ACSL5: variants seen among roughly 807,000 people sequenced by gnomAD.
ACSL5 encodes acyl-CoA synthetase long chain family member 5.
In ACSL5, 50 loss-of-function variants were observed where a neutral mutation model predicts 84.9. The observed-to-expected ratio is 0.59, with a 90% confidence interval of 0.47 to 0.75. The LOEUF (loss-of-function observed/expected upper bound fraction) is 0.75. ACSL5 is among the 30% of genes least tolerant of loss of function. ACSL5 has a pLI of 0.00. For missense variants in ACSL5, 775 were observed against 830.4 expected (o/e 0.93, Z 0.82); for synonymous variants, 280 against 300.7 (o/e 0.93, Z 0.71).
chr10:112,408,313 AAG>A, intron 5 of ACSL5, 107 bp from the exon 6 acceptor site: 4 of 731,788 alleles, frequency 5.5e-6, no homozygotes, highest in Admixed American at 4.7e-5. Context: ...AAAAAAAAAA[AAG>A]CAAAACAAAA....
intron 12 of ACSL5, 111 bp downstream of exon 12, chr10:112,413,418 G>A (rs903117388): frequency 6.5e-5 from 86 of 1,317,152 alleles, no homozygotes; most frequent in Admixed American, 1.4e-4. Flanking sequence ...AAGTATCTAC[G>A]TAAAGCCGTG....
chr10:112,382,631 C>T (rs1247140005), intron 1 of ACSL5, among the ~76,000 whole-genome samples: 1 of 152,196 alleles, frequency 6.6e-6, no homozygotes, highest in African/African-American at 2.4e-5. Context: ...TGCAATTCAG[C>T]AGCAAAGATT....
At chr10:112,404,386 A>C in intron 3 of ACSL5, 125 bp from the exon 4 acceptor site, 1 of 692,460 alleles carries the variant, frequency 1.4e-6, no homozygotes, top group Non-Finnish European at 2.5e-6. Context: ...CTGGACATAT[A>C]ATAGAAGCTC....
chr10:112,386,806 A>G (rs1333560822), intron 1 of ACSL5, among the ~76,000 whole-genome samples: 1 of 152,180 alleles, frequency 6.6e-6, no homozygotes, highest in East Asian at 1.9e-4. Context: ...TCTTATATAC[A>G]CTATTGTGAA....
Position 112,425,321 on chromosome 10 carries a change from T to G in ACSL5, c.1594-17T>G. On this transcript the variant is annotated splice_polypyrimidine_tract_variant and intron_variant, in intron 17 of 20. Coordinates refer to ENST00000354655, the MANE Select transcript of ACSL5 (RefSeq NM_203379.2). ...CTGTGGCTCAAAAATACTGATACTT[T>G]TATCTGTCTCATGTAGAATGGAACT... 6.3e-7 allele frequency: 1 copy of G among 1,591,398 alleles called. No homozygotes were observed. The highest frequency in any genetic ancestry group is 1.1e-5 in the South Asian group (1 of 87,512).
intron 1 of ACSL5, among the ~76,000 whole-genome samples, chr10:112,388,934 A>C (rs923152356): frequency 6.6e-6 from 1 of 152,214 alleles, no homozygotes; most frequent in African/African-American, 2.4e-5. Flanking sequence ...CAGACTTCGA[A>C]TAGGGTTTGA....
chr10:112,402,828 A>G (rs1843939400), intron 3 of ACSL5, among the ~76,000 whole-genome samples: 1 of 152,088 alleles, frequency 6.6e-6, no homozygotes, highest in Admixed American at 6.5e-5. Context: ...CTGCCCTTCT[A>G]CTTGTCTACT....
At chr10:112,411,833 A>T in intron 10 of ACSL5, 69 bp from the exon 11 acceptor site, 1 of 1,447,100 alleles carries the variant, frequency 6.9e-7, no homozygotes. Flanking sequence ...GTAGTTTTAA[A>T]ATCTCCATTG....
chr10:112,409,736 G>A, intron 7 of ACSL5, 51 bp downstream of exon 7: 1 of 1,584,136 alleles, frequency 6.3e-7, no homozygotes. Context: ...CAACACCTTG[G>A]GCAACTTGCA....
intron 1 of ACSL5, among the ~76,000 whole-genome samples, chr10:112,381,697 G>A (rs1303420235): frequency 6.8e-5 from 10 of 147,268 alleles, no homozygotes; most frequent in Non-Finnish European, 1.0e-4. Context: ...GGCCGGGTGC[G>A]GTGGCTCACA....
intron 9 of ACSL5, among the ~76,000 whole-genome samples, chr10:112,410,927 C>T (rs1448674817): frequency 1.3e-5 from 2 of 152,002 alleles, no homozygotes; most frequent in African/African-American, 4.8e-5. Context: ...CTTGATTTGA[C>T]ACCGCTGGAA....
chr10:112,418,457 C>A (rs1401339547), intron 14 of ACSL5, among the ~76,000 whole-genome samples: 1 of 152,116 alleles, frequency 6.6e-6, no homozygotes, highest in Non-Finnish European at 1.5e-5. Context: ...TGGTGGGCGC[C>A]TGTAGTCCCA....
In ACSL5 at chr10:112,404,728, G is replaced by T; in HGVS notation, c.354G>T (p.Leu118=). The change falls in exon 5 of 21, where the codon CTG becomes CTT. Residue 118 remains leucine, a synonymous_variant. Coordinates refer to ENST00000354655, the MANE Select transcript of ACSL5 (RefSeq NM_203379.2). ...YKQVSDRAEY[L]GSCLLHKGYK... is the part of the protein sequence containing the mutation. ...AGGTGTCTGATAGAGCAGAGTACCT[G>T]GGTTCCTGTCTCTTGCATAAAGGTT... The T allele has an allele frequency of 2.5e-6, 4 of 1,613,972 alleles. No individual in the cohort carries two copies. The highest frequency in any genetic ancestry group is 3.4e-6 in the Non-Finnish European group (4 of 1,179,940).
Position 112,409,669 on chromosome 10 carries a change from C to G in ACSL5, c.695C>G (p.Ser232Cys). The G allele has an allele frequency of 6.2e-7, 1 of 1,614,110 alleles. No individual in the cohort carries two copies. Among genetic ancestry groups the G allele is most frequent in the South Asian group, 1.1e-5 (1 of 91,076 alleles). The change falls in exon 7 of 21, where the codon TCC becomes TGC. Residue 232 changes from serine to cysteine, a missense_variant. Physicochemically the swap from Ser to Cys is moderately radical, Grantham distance 112. Coordinates refer to ENST00000354655, the MANE Select transcript of ACSL5 (RefSeq NM_203379.2). The stretch of plus-strand genomic sequence containing the variant: ...GAGAAGAGTGGAATTGAGATCTTAT[C>G]CCTATATGATGCTGAGGTATGGATC... ...RGEKSGIEIL[S>C]LYDAENLGKE...
chr10:112,389,066 A>T (rs1240180944), intron 1 of ACSL5, among the ~76,000 whole-genome samples: 1 of 152,230 alleles, frequency 6.6e-6, no homozygotes, highest in Non-Finnish European at 1.5e-5. Flanking sequence ...TTGACCAAAA[A>T]TTTAAATATT....
chr10:112,400,735 G>T (rs141330425), intron 3 of ACSL5, among the ~76,000 whole-genome samples: 1 of 151,800 alleles, frequency 6.6e-6, no homozygotes, highest in Non-Finnish European at 1.5e-5. Context: ...TTAATTTTTT[G>T]TAGAGACAAG....
intron 12 of ACSL5, among the ~76,000 whole-genome samples, chr10:112,415,242 C>T (rs2133643080): frequency 6.6e-6 from 1 of 152,246 alleles, no homozygotes; most frequent in East Asian, 1.9e-4. Context: ...CTCTGTCGCC[C>T]AGGCTGGAGT....
intron 2 of ACSL5, among the ~76,000 whole-genome samples, chr10:112,397,601 A>C (rs956491020): frequency 2.0e-5 from 3 of 151,862 alleles, no homozygotes; most frequent in African/African-American, 7.3e-5. Flanking sequence ...CCTTTACCCT[A>C]CCCAAATCAT....
At chr10:112,405,841 T>C (rs1362361379) in intron 5 of ACSL5, among the ~76,000 whole-genome samples, 1 of 152,184 alleles carries the variant, frequency 6.6e-6, no homozygotes, top group South Asian at 2.1e-4. Context: ...GAAACAAAAA[T>C]GTCATTAAGA....
Sources: gnomAD v4.1 joint callset for allele counts (sites outside exome capture counted in the v4.1 genomes callset) on GRCh38, gnomAD v4.1.1 for gene constraint, MANE v1.5 for transcripts, NCBI Gene and HGNC (gene_info 2026-07-23, HGNC 2026-07-21) for gene names.